The following FAM193A variants were observed in gnomAD, a reference collection of about 807,000 sequenced individuals.
The protein encoded by FAM193A is protein FAM193A.
Under a neutral mutation model 126.5 loss-of-function variants are expected in FAM193A, and 22 were observed. That is an observed-to-expected ratio of 0.17 (90% confidence interval 0.12 to 0.25). The LOEUF is 0.25. Among genes scored for constraint, FAM193A ranks in the 10% least tolerant of loss-of-function variants. The pLI is 1.00. For synonymous variants in FAM193A, 761 were observed against 646.8 expected (o/e 1.18, Z -2.68); for missense variants, 1,675 against 1,672.8 (o/e 1.00, Z -0.02).
At chr4:2,549,083 C>A (rs944130937) in intron 1 of FAM193A, among the ~76,000 whole-genome samples, 1 of 150,194 alleles carries the variant, frequency 6.7e-6, no homozygotes, top group Non-Finnish European at 1.5e-5. Context: ...AATTAACAGG[C>A]GTGTGCCATC....
At chr4:2,718,166 A>T (rs1391648485) in intron 20 of FAM193A, among the ~76,000 whole-genome samples, 1 of 152,140 alleles carries the variant, frequency 6.6e-6, no homozygotes, top group Non-Finnish European at 1.5e-5. Flanking sequence ...AAGAATATAT[A>T]AAGAAGGAGA....
At chr4:2,605,396 G>A (rs1011119609) in intron 2 of FAM193A, among the ~76,000 whole-genome samples, 1 of 152,118 alleles carries the variant, frequency 6.6e-6, no homozygotes, top group African/African-American at 2.4e-5. Context: ...AAATGTAATC[G>A]TACTGTGTGT....
chr4:2,550,571 G>A (rs1737853129), intron 1 of FAM193A, among the ~76,000 whole-genome samples: 1 of 151,292 alleles, frequency 6.6e-6, no homozygotes, highest in Admixed American at 6.6e-5. Context: ...CGAGTAGCTG[G>A]GATTACAGGC....
intron 13 of FAM193A, among the ~76,000 whole-genome samples, chr4:2,681,021 G>A (rs927936526): frequency 2.6e-5 from 4 of 151,998 alleles, no homozygotes; most frequent in Admixed American, 6.6e-5. Context: ...AGATATGCTT[G>A]CTCTGTTGCC....
intron 1 of FAM193A, among the ~76,000 whole-genome samples, chr4:2,581,243 T>C (rs1560458523): frequency 6.7e-6 from 1 of 149,152 alleles, no homozygotes; most frequent in African/African-American, 2.5e-5. Context: ...TCCTGAAATA[T>C]TTTCTTTCTT....
chr4:2,605,791 G>A (rs1741499207), intron 2 of FAM193A, among the ~76,000 whole-genome samples: 1 of 151,930 alleles, frequency 6.6e-6, no homozygotes, highest in African/African-American at 2.4e-5. Context: ...GGCCAACATG[G>A]CGAAACCTCG....
At chr4:2,653,008 G>A (rs1560525113) in intron 7 of FAM193A, among the ~76,000 whole-genome samples, 1 of 152,176 alleles carries the variant, frequency 6.6e-6, no homozygotes, top group Non-Finnish European at 1.5e-5. Context: ...TGGGGTTTAG[G>A]TCAGCGGTGT....
At chr4:2,693,473 A>G in intron 15 of FAM193A, 113 bp from the exon 16 acceptor site, 2 of 1,003,828 alleles carry the variant, frequency 2.0e-6, no homozygotes, top group Admixed American at 2.3e-5. Context: ...GGTCGTGAAG[A>G]TGAAGCAAGG....
At chr4:2,651,791 C>T (rs900086173) in intron 7 of FAM193A, among the ~76,000 whole-genome samples, 1 of 152,148 alleles carries the variant, frequency 6.6e-6, no homozygotes, top group Non-Finnish European at 1.5e-5. Context: ...GACTGGATCC[C>T]CCTGGCAGGG....
At chr4:2,581,018 A>G (rs974661121) in intron 1 of FAM193A, among the ~76,000 whole-genome samples, 3 of 151,762 alleles carry the variant, frequency 2.0e-5, no homozygotes, top group Non-Finnish European at 4.4e-5. Flanking sequence ...AGTCCCAGCT[A>G]CTCGGGAGGC....
chr4:2,708,867 T>G (rs753275933), intron 19 of FAM193A, among the ~76,000 whole-genome samples: 1 of 152,224 alleles, frequency 6.6e-6, no homozygotes, highest in East Asian at 1.9e-4. Flanking sequence ...TGTGTACAAA[T>G]AGAGAAAGTT....
At chr4:2,728,151 G>A (rs1720965519) in intron 20 of FAM193A, among the ~76,000 whole-genome samples, 1 of 150,596 alleles carries the variant, frequency 6.6e-6, no homozygotes, top group Non-Finnish European at 1.5e-5. Flanking sequence ...GGCTGGTCTC[G>A]AACTCCCGAC....
At chr4:2,628,317 A>G (rs1485045153) in intron 4 of FAM193A, among the ~76,000 whole-genome samples, 1 of 152,008 alleles carries the variant, frequency 6.6e-6, no homozygotes, top group Non-Finnish European at 1.5e-5. Flanking sequence ...AGCCACTGGT[A>G]TTGCATGAGG....
At chr4:2,698,200 G>A (rs1368089778) in intron 18 of FAM193A, among the ~76,000 whole-genome samples, 1 of 152,250 alleles carries the variant, frequency 6.6e-6, no homozygotes, top group Non-Finnish European at 1.5e-5. Context: ...CAAACCGGGG[G>A]CCTGTGCTGG....
intron 2 of FAM193A, among the ~76,000 whole-genome samples, chr4:2,608,368 G>A (rs1046589024): frequency 7.2e-5 from 11 of 151,940 alleles, no homozygotes; most frequent in Admixed American, 3.9e-4. Context: ...TAATATAGAC[G>A]GGGTTTTGCC....
chr4:2,569,462 A>G (rs1739165333), intron 1 of FAM193A, among the ~76,000 whole-genome samples: 1 of 152,192 alleles, frequency 6.6e-6, no homozygotes, highest in African/African-American at 2.4e-5. Flanking sequence ...ACAGTTGTGC[A>G]GATGTGAGTT....
intron 1 of FAM193A, among the ~76,000 whole-genome samples, chr4:2,590,132 C>G: frequency 1.8e-5 from 2 of 108,962 alleles, no homozygotes; most frequent in African/African-American, 4.0e-5. Flanking sequence ...GAGACTCTGT[C>G]TCAAAAAAAA....
intron 1 of FAM193A, among the ~76,000 whole-genome samples, chr4:2,585,271 A>G (rs1030561864): frequency 1.3e-5 from 2 of 152,208 alleles, no homozygotes; most frequent in Non-Finnish European, 2.9e-5. Flanking sequence ...GTCATAGTCT[A>G]CATGTATTTT....
upstream of FAM193A, chr4:2,536,627 C>T (rs1736886698): frequency 6.6e-6 from 1 of 150,972 alleles, no homozygotes. Context: ...CTCCTTCCCC[C>T]TCCCCCGACG....
Sources: allele counts gnomAD v4.1 joint callset (sites outside exome capture counted in the v4.1 genomes callset), GRCh38; gene constraint gnomAD v4.1.1; transcripts MANE v1.5; gene names NCBI Gene and HGNC (gene_info 2026-07-23, HGNC 2026-07-21).